CD36: variants seen among roughly 807,000 people sequenced by gnomAD.
The protein encoded by CD36 is CD36 molecule (CD36 blood group).
Under a neutral mutation model 55.2 loss-of-function variants are expected in CD36, and 119 were observed. The observed-to-expected ratio is 2.15, with a 90% confidence interval of 1.86 to 2.51. The LOEUF is 2.51. Among genes scored for constraint, CD36 ranks in the 30% most tolerant of loss-of-function variants. The pLI is 0.00. For missense variants in CD36, 819 were observed against 555.5 expected (o/e 1.47, Z -4.77); for synonymous variants, 186 against 193.6 (o/e 0.96, Z 0.33).
intron 14 of CD36, among the ~76,000 whole-genome samples, chr7:80,675,274 A>C (rs1013686025): frequency 5.3e-5 from 8 of 151,674 alleles, no homozygotes; most frequent in Non-Finnish European, 1.0e-4. Context: ...CTGACAAATT[A>C]TGACTAAACA....
At chr7:80,644,416 A>C (rs3212164) in intron 1 of CD36, among the ~76,000 whole-genome samples, 5,165 of 152,294 alleles carry the variant, frequency 0.034, 231 homozygotes, top group East Asian at 0.1. Flanking sequence ...GATGTAAATG[A>C]AGTTTATTGC....
At chr7:80,617,857 G>A (rs890504686) in intron 1 of CD36, among the ~76,000 whole-genome samples, 2 of 152,104 alleles carry the variant, frequency 1.3e-5, no homozygotes, top group Non-Finnish European at 2.9e-5. Context: ...TCTTCTAGGG[G>A]TTTGTCATTA....
intron 8 of CD36, among the ~76,000 whole-genome samples, chr7:80,668,601 T>C (rs1022657839): frequency 2.0e-5 from 3 of 152,186 alleles, no homozygotes; most frequent in African/African-American, 4.8e-5. Context: ...CCATGGTAGT[T>C]GCTGGGTATA....
At chr7:80,667,664 A>C (rs965049241) in intron 8 of CD36, among the ~76,000 whole-genome samples, 4 of 151,690 alleles carry the variant, frequency 2.6e-5, no homozygotes, top group African/African-American at 9.7e-5. Flanking sequence ...TGATTCTATC[A>C]TTGCCTTGTA....
chr7:80,654,244 G>C (rs562748754), intron 3 of CD36, among the ~76,000 whole-genome samples: 7 of 152,288 alleles, frequency 4.6e-5, no homozygotes, highest in Admixed American at 4.6e-4. Context: ...TTCTGTCACA[G>C]ACTCTCTTCA....
intron 3 of CD36, among the ~76,000 whole-genome samples, chr7:80,656,065 G>A (rs1313619741): frequency 6.6e-6 from 1 of 152,050 alleles, no homozygotes; most frequent in African/African-American, 2.4e-5. Flanking sequence ...ATCCTCTGAA[G>A]TGTCCAACTC....
At position 80,661,184 on chromosome 7, in the gene CD36, TTC is replaced by T; in HGVS notation, c.404_405del (p.Phe135TyrfsTer28). 1 of 1,614,052 alleles carries T rather than the reference TTC, an allele frequency of 6.2e-7. No homozygotes were observed. Among genetic ancestry groups the T allele is most frequent in the Non-Finnish European group, 8.5e-7 (1 of 1,179,954 alleles). ...ATCAGTTGGAACAGAGGCTGACAAC[TTC>T]ACAGTTCTCAATCTGGCTGTGGCAG... is the stretch of plus-strand genomic sequence containing the variant. ...SLSVGTEADN[F>X]TVLNLAVAAA... On this transcript the variant is annotated frameshift_variant, in exon 5 of 15. Coordinates refer to ENST00000447544, the MANE Select transcript of CD36 (RefSeq NM_001001548.3). LOFTEE classifies it high-confidence loss of function.
intron 10 of CD36, 67 bp from the exon 11 acceptor site, chr7:80,671,855 T>G: frequency 7.0e-7 from 1 of 1,435,248 alleles, no homozygotes; most frequent in Non-Finnish European, 9.8e-7. Context: ...TGTGGAAATA[T>G]TTTTTGAGTT....
At position 80,647,620 on chromosome 7, in the gene CD36, GA is replaced by G. The variant is rs1458426801; in HGVS notation, c.120+762del. 4.6e-5 allele frequency among the ~76,000 whole-genome samples: 7 copies of G among 152,230 alleles called. No individual in the cohort carries two copies. The East Asian group carries it at 1.3e-3, about 29-fold the overall frequency. On this transcript the variant is annotated intron_variant, in intron 3 of 14. Transcript: ENST00000447544. ...ACGTTGATTGATAGGGGGAAGAAGA[GA>G]ATAAAGGGAAGCAGTTCTGCTGAAG...
Position 80,662,996 on chromosome 7 carries a change from T to A in CD36, c.436T>A (p.Ser146Thr). ...AGTGACTTTGTTTTTGTAGGCTGCA[T>A]CCCATATCTATCAAAATCAATTTGT... Reference protein sequence around the residue: ...TVLNLAVAAASHIYQNQFVQM... With the variant: ...TVLNLAVAAATHIYQNQFVQM... Residue 146 changes from serine (S) to threonine (T), a missense_variant, in exon 6 of 15, where the codon TCC becomes ACC. Coordinates refer to ENST00000447544, the MANE Select transcript of CD36 (RefSeq NM_001001548.3). 6.2e-7 allele frequency: 1 copy of A among 1,611,532 alleles called. No individual in the cohort carries two copies. Among genetic ancestry groups the A allele is most frequent in the Non-Finnish European group, 8.5e-7 (1 of 1,178,034 alleles).
At chr7:80,640,131 G>A (rs774100227) in intron 1 of CD36, among the ~76,000 whole-genome samples, 1 of 151,944 alleles carries the variant, frequency 6.6e-6, no homozygotes, top group South Asian at 2.1e-4. Context: ...AAGTATCCTT[G>A]CATCTAATCA....
At chr7:80,657,730 T>G (rs1796204009) in intron 4 of CD36, among the ~76,000 whole-genome samples, 1 of 152,214 alleles carries the variant, frequency 6.6e-6, no homozygotes, top group African/African-American at 2.4e-5. Flanking sequence ...ATTAGGAATA[T>G]ATTTATGGTA....
At chr7:80,619,141 A>G (rs1331175695) in intron 1 of CD36, among the ~76,000 whole-genome samples, 2 of 152,190 alleles carry the variant, frequency 1.3e-5, no homozygotes, top group Non-Finnish European at 2.9e-5. Flanking sequence ...CTTGAGCTCT[A>G]TAAATGGAAC....
rs577214797 is a variant in CD36 at position 80,639,193 on chromosome 7, T to C, written c.-184+447T>C. Among the ~76,000 whole-genome samples the C allele has an allele frequency of 2.2e-4, 34 of 152,106 alleles. 1 individual carries two copies. In the Middle Eastern group the frequency reaches 0.014, roughly 61 times the overall value. On this transcript the variant is annotated intron_variant, in intron 1 of 14. Coordinates refer to ENST00000447544, the MANE Select transcript of CD36 (RefSeq NM_001001548.3). ...AATATGCAATTATTAACTATTACTTTACAGAGTCATTAGCTTGTTTAATTT... is the reference window on the plus strand; with the variant it reads ...AATATGCAATTATTAACTATTACTTCACAGAGTCATTAGCTTGTTTAATTT...
intron 4 of CD36, 127 bp downstream of exon 4, chr7:80,656,827 A>G: frequency 1.2e-6 from 1 of 823,244 alleles, no homozygotes; most frequent in Non-Finnish European, 2.0e-6. Context: ...TATACTTTAA[A>G]ATATTTTTCC....
chr7:80,602,926 T>C (rs1792323212), intron 1 of CD36, among the ~76,000 whole-genome samples: 1 of 152,172 alleles, frequency 6.6e-6, no homozygotes, highest in Admixed American at 6.6e-5. Flanking sequence ...CTGACAAATA[T>C]ATTTAAGAAA....
intron 1 of CD36, among the ~76,000 whole-genome samples, chr7:80,626,833 T>C (rs1793770272): frequency 6.6e-6 from 1 of 152,026 alleles, no homozygotes; most frequent in African/African-American, 2.4e-5. Context: ...TTTTGCCCTT[T>C]CTGATTTTAG....
intron 1 of CD36, among the ~76,000 whole-genome samples, chr7:80,611,986 T>C (rs951372096): frequency 1.3e-5 from 2 of 152,236 alleles, no homozygotes; most frequent in Non-Finnish European, 2.9e-5. Flanking sequence ...CTCTATGAAT[T>C]GTTTGTGTTC....
At chr7:80,607,193 TA>T (rs1792601500) in intron 1 of CD36, among the ~76,000 whole-genome samples, 1 of 152,084 alleles carries the variant, frequency 6.6e-6, no homozygotes, top group Non-Finnish European at 1.5e-5. Flanking sequence ...CTGTACATAG[TA>T]ACAGCAAGAG....
Sources: allele counts gnomAD v4.1 joint callset (sites outside exome capture counted in the v4.1 genomes callset), GRCh38; gene constraint gnomAD v4.1.1; transcripts MANE v1.5; gene names NCBI Gene and HGNC (gene_info 2026-07-23, HGNC 2026-07-21).